WDR27: variants seen among roughly 807,000 people sequenced by gnomAD.
The protein encoded by WDR27 is WD repeat-containing protein 27.
WDR27 carries 100 observed loss-of-function variants against 114.4 expected under a neutral mutation model. The observed-to-expected ratio is 0.87, with a 90% CI of 0.74 to 1.03. WDR27 has a LOEUF of 1.03. WDR27 is among the 50% of genes least tolerant of loss of function. The pLI is 0.00. For missense variants in WDR27, 1,129 were observed against 1,092.9 expected (o/e 1.03, Z -0.47); for synonymous variants, 449 against 423.1 (o/e 1.06, Z -0.75).
intron 14 of WDR27, among the ~76,000 whole-genome samples, chr6:169,649,849 C>T (rs1031054088): frequency 8.8e-5 from 13 of 147,470 alleles, no homozygotes; most frequent in African/African-American, 3.0e-4. Flanking sequence ...CTCCATCCAT[C>T]CCCCCCATCA....
intron 13 of WDR27, among the ~76,000 whole-genome samples, chr6:169,655,735 T>C (rs1823990883): frequency 6.6e-6 from 1 of 152,272 alleles, no homozygotes; most frequent in African/African-American, 2.4e-5. Flanking sequence ...GTTTTTATTT[T>C]TTGAGACGGA....
intron 25 of WDR27, among the ~76,000 whole-genome samples, chr6:169,563,363 A>G (rs1799946945): frequency 6.6e-6 from 1 of 152,072 alleles, no homozygotes; most frequent in African/African-American, 2.4e-5. Context: ...GGAGCCCACA[A>G]CCCCAACAGG....
At chr6:169,667,714 G>A (rs990086623) in intron 5 of WDR27, among the ~76,000 whole-genome samples, 1 of 152,216 alleles carries the variant, frequency 6.6e-6, no homozygotes, top group Non-Finnish European at 1.5e-5. Context: ...ATTCGTGCCT[G>A]GGCGCTCCCA....
intron 25 of WDR27, among the ~76,000 whole-genome samples, chr6:169,494,594 G>C (rs939379850): frequency 2.0e-5 from 3 of 152,000 alleles, no homozygotes; most frequent in Non-Finnish European, 2.9e-5. Context: ...GTCCATCATT[G>C]ACTGAAATGT....
At chr6:169,616,232 T>C (rs1315561034) in intron 21 of WDR27, among the ~76,000 whole-genome samples, 3 of 152,200 alleles carry the variant, frequency 2.0e-5, no homozygotes, top group Non-Finnish European at 2.9e-5. Context: ...GGCTCACACC[T>C]GTAATCCCAA....
At chr6:169,542,626 T>C (rs957533255) in intron 25 of WDR27, among the ~76,000 whole-genome samples, 3 of 152,112 alleles carry the variant, frequency 2.0e-5, no homozygotes, top group Non-Finnish European at 4.4e-5. Flanking sequence ...AAATAGATAA[T>C]AGTCTTGTAT....
chr6:169,560,772 T>A (rs1799573212), intron 25 of WDR27, among the ~76,000 whole-genome samples: 1 of 152,174 alleles, frequency 6.6e-6, no homozygotes, highest in Admixed American at 6.5e-5. Context: ...AACTACACAT[T>A]TTATACTACC....
At chr6:169,632,291 C>T (rs57099773) in intron 21 of WDR27, among the ~76,000 whole-genome samples, 4,383 of 152,144 alleles carry the variant, frequency 0.029, 153 homozygotes, top group African/African-American at 0.086. Flanking sequence ...AAATGATACC[C>T]TGAATCATGA....
chr6:169,596,450 T>C (rs983622304), intron 23 of WDR27, among the ~76,000 whole-genome samples: 1 of 152,082 alleles, frequency 6.6e-6, no homozygotes, highest in Non-Finnish European at 1.5e-5. Flanking sequence ...AGTTCTCATT[T>C]CATATATTCC....
chr6:169,470,608 C>T (rs1245477379), intron 25 of WDR27, among the ~76,000 whole-genome samples: 1 of 152,216 alleles, frequency 6.6e-6, no homozygotes, highest in Non-Finnish European at 1.5e-5. Flanking sequence ...CCTCACGTGA[C>T]ATTCCATCAG....
At chr6:169,676,214 C>T (rs1372579160) in intron 2 of WDR27, among the ~76,000 whole-genome samples, 3 of 152,102 alleles carry the variant, frequency 2.0e-5, no homozygotes, top group African/African-American at 7.2e-5. Context: ...TTATAAATTA[C>T]CCAGTCTCAG....
At chr6:169,555,795 C>A (rs924774193) in intron 25 of WDR27, among the ~76,000 whole-genome samples, 1 of 152,098 alleles carries the variant, frequency 6.6e-6, no homozygotes, top group Non-Finnish European at 1.5e-5. Context: ...TCTGAAATTA[C>A]AATAAGATTA....
At chr6:169,616,740 AT>A (rs1038812098) in intron 21 of WDR27, among the ~76,000 whole-genome samples, 1 of 152,226 alleles carries the variant, frequency 6.6e-6, no homozygotes, top group Non-Finnish European at 1.5e-5. Context: ...TTTTCAATAG[AT>A]AAAAAATCTC....
intron 25 of WDR27, among the ~76,000 whole-genome samples, chr6:169,492,684 T>A (rs906886494): frequency 1.3e-4 from 19 of 151,864 alleles, no homozygotes; most frequent in Non-Finnish European, 2.5e-4. Context: ...TATGAAATGA[T>A]GAATTTCAGT....
intron 24 of WDR27, among the ~76,000 whole-genome samples, chr6:169,582,268 C>T (rs1269438546): frequency 6.6e-6 from 1 of 152,204 alleles, no homozygotes; most frequent in Admixed American, 6.5e-5. Context: ...AGCCACTGCG[C>T]CTGGCCAATA....
downstream of WDR27, among the ~76,000 whole-genome samples, chr6:169,456,270 T>C (rs926776967): frequency 6.6e-6 from 1 of 152,188 alleles, no homozygotes; most frequent in African/African-American, 2.4e-5. This position sits in a 1 kb window ranked among gnomAD's most constrained non-coding sequence, Gnocchi z 4.0. Flanking sequence ...GGTCGATGTG[T>C]GAAAGTTCCA....
intron 25 of WDR27, among the ~76,000 whole-genome samples, chr6:169,571,625 C>A (rs1801442834): frequency 6.6e-6 from 1 of 152,196 alleles, no homozygotes; most frequent in Non-Finnish European, 1.5e-5. Flanking sequence ...CCCAGGAGTT[C>A]AAGGCCAGCC....
At chr6:169,619,658 T>C (rs1176859270) in intron 21 of WDR27, among the ~76,000 whole-genome samples, 1 of 152,136 alleles carries the variant, frequency 6.6e-6, no homozygotes, top group Non-Finnish European at 1.5e-5. Flanking sequence ...ATTGGTTGAG[T>C]TTCTCTGAAG....
At chr6:169,451,238 G>A in the WDR27 span, among the ~76,000 whole-genome samples, 1 of 152,214 alleles carries the variant, frequency 6.6e-6, no homozygotes, top group Non-Finnish European at 1.5e-5. Context: ...AAACTTAAAA[G>A]AATGCAGCCA....
Sources: gnomAD v4.1 joint callset for allele counts (sites outside exome capture counted in the v4.1 genomes callset) on GRCh38, gnomAD v4.1.1 for gene constraint, Gnocchi (gnomAD v3.1) non-coding constraint, MANE v1.5 for transcripts, NCBI Gene and HGNC (gene_info 2026-07-23, HGNC 2026-07-21) for gene names.